Variants in CHCHD3 observed in about 807,000 individuals in gnomAD.
The protein encoded by CHCHD3 is coiled-coil-helix-coiled-coil-helix domain containing 3, also known as MICOS complex subunit MIC19.
A neutral mutation model predicts 38.2 loss-of-function variants in CHCHD3; 20 were observed. The ratio of observed to expected loss-of-function variants is 0.52; its 90% CI spans 0.37 to 0.76. CHCHD3 has a LOEUF of 0.76. Ranked by LOEUF, CHCHD3 falls within the 30% of genes least tolerant of loss-of-function variation. The pLI is 0.00. For synonymous variants in CHCHD3, 82 were observed against 100.0 expected, an observed-to-expected ratio of 0.82 and a Z score of 1.07; for missense variants, 245 against 279.2, an observed-to-expected ratio of 0.88 and a Z score of 0.87.
At chr7:132,800,389 C>T (rs905927730) in intron 6 of CHCHD3, among the ~76,000 whole-genome samples, 3 of 152,180 alleles carry the variant, frequency 2.0e-5, no homozygotes, top group Non-Finnish European at 2.9e-5. Flanking sequence ...CAGTTACACT[C>T]GGTTATCTGT....
At chr7:132,949,884 A>G (rs1051466166) in intron 4 of CHCHD3, among the ~76,000 whole-genome samples, 11 of 152,166 alleles carry the variant, frequency 7.2e-5, no homozygotes, top group African/African-American at 2.7e-4. Flanking sequence ...GCTAGTCTAG[A>G]CACAAAAAGT....
intron 6 of CHCHD3, among the ~76,000 whole-genome samples, chr7:132,805,605 G>T (rs1158391839): frequency 6.6e-6 from 1 of 152,152 alleles, no homozygotes; most frequent in East Asian, 1.9e-4. Context: ...CAAGCCACTG[G>T]CCTTTCTAAA....
At chr7:132,879,935 AATC>A (rs1327696824) in intron 5 of CHCHD3, among the ~76,000 whole-genome samples, 1 of 152,118 alleles carries the variant, frequency 6.6e-6, no homozygotes, top group Non-Finnish European at 1.5e-5. Flanking sequence ...ATCATGCTGT[AATC>A]GCTAGGTAAT....
chr7:133,002,094 G>C (rs1162697503), intron 3 of CHCHD3, among the ~76,000 whole-genome samples: 1 of 152,104 alleles, frequency 6.6e-6, no homozygotes, highest in African/African-American at 2.4e-5. Context: ...AACCCATGAA[G>C]CTGGAATTCA....
intron 6 of CHCHD3, among the ~76,000 whole-genome samples, chr7:132,832,068 GA>G (rs964508641): frequency 1.9e-4 from 29 of 149,548 alleles, no homozygotes; most frequent in African/African-American, 3.4e-4. Context: ...CCCTAAAAAA[GA>G]AAAAAAAATC....
intron 3 of CHCHD3, among the ~76,000 whole-genome samples, chr7:133,015,285 G>A (rs1812997581): frequency 1.3e-5 from 2 of 151,980 alleles, no homozygotes; most frequent in African/African-American, 2.4e-5. Flanking sequence ...GGAGGTTGCA[G>A]TGAGCCTAGA....
intron 2 of CHCHD3, among the ~76,000 whole-genome samples, chr7:133,048,847 A>G (rs1389759400): frequency 6.6e-6 from 1 of 152,252 alleles, no homozygotes; most frequent in Non-Finnish European, 1.5e-5. Context: ...AAGAGGAAGC[A>G]GAGTTGAAGA....
chr7:132,938,902 G>A (rs1044948140), intron 4 of CHCHD3, among the ~76,000 whole-genome samples: 14 of 152,166 alleles, frequency 9.2e-5, no homozygotes, highest in Non-Finnish European at 1.9e-4. Context: ...GGGAGCAGGG[G>A]ACACTTGGTA....
chr7:133,081,660 T>C (rs1815173917), intron 1 of CHCHD3, among the ~76,000 whole-genome samples, 197 bp downstream of exon 1: 1 of 152,220 alleles, frequency 6.6e-6, no homozygotes, highest in South Asian at 2.1e-4. Context: ...TGCCTAGCAC[T>C]TGGCACAACC....
At chr7:132,838,570 C>G in intron 5 of CHCHD3, 101 bp from the exon 6 acceptor site, 1 of 823,796 alleles carries the variant, frequency 1.2e-6, no homozygotes, top group Non-Finnish European at 2.0e-6. Context: ...GTTTCAGCCA[C>G]TCAAGCAGTA....
intron 3 of CHCHD3, among the ~76,000 whole-genome samples, chr7:132,997,017 A>G (rs1812438057): frequency 6.6e-6 from 1 of 152,236 alleles, no homozygotes; most frequent in Non-Finnish European, 1.5e-5. Context: ...TTCCAGCTAC[A>G]TTCTAAGCCC....
At chr7:132,910,014 T>C (rs1489857271) in intron 4 of CHCHD3, among the ~76,000 whole-genome samples, 1 of 152,236 alleles carries the variant, frequency 6.6e-6, no homozygotes, top group Non-Finnish European at 1.5e-5. Flanking sequence ...AACATGGATT[T>C]GAACTGAGCA....
At chr7:132,839,403 C>T (rs1412662117) in intron 5 of CHCHD3, among the ~76,000 whole-genome samples, 2 of 152,054 alleles carry the variant, frequency 1.3e-5, no homozygotes, top group Non-Finnish European at 2.9e-5. Flanking sequence ...TTTCCTGGGG[C>T]AGCAAAATTT....
At chr7:132,831,694 G>A (rs1002850586) in intron 6 of CHCHD3, among the ~76,000 whole-genome samples, 11 of 152,104 alleles carry the variant, frequency 7.2e-5, no homozygotes, top group Non-Finnish European at 1.6e-4. Flanking sequence ...TAAACTTCTA[G>A]AAGAATTTTA....
At chr7:133,065,765 T>C (rs1322153141) in intron 2 of CHCHD3, among the ~76,000 whole-genome samples, 1 of 152,264 alleles carries the variant, frequency 6.6e-6, no homozygotes, top group Non-Finnish European at 1.5e-5. Flanking sequence ...TCAAGCTTCA[T>C]GCTTTTATAA....
At chr7:132,938,385 C>T (rs1810681653) in intron 4 of CHCHD3, among the ~76,000 whole-genome samples, 1 of 152,078 alleles carries the variant, frequency 6.6e-6, no homozygotes, top group Non-Finnish European at 1.5e-5. Context: ...CTTTCCTCTG[C>T]ACCCAAATGA....
chr7:132,835,548 T>G (rs1807759146), intron 6 of CHCHD3, among the ~76,000 whole-genome samples: 1 of 152,198 alleles, frequency 6.6e-6, no homozygotes, highest in South Asian at 2.1e-4. Context: ...CCGTGGCCTC[T>G]CGCACTCCAA....
chr7:132,914,789 T>G (rs1810059339), intron 4 of CHCHD3, among the ~76,000 whole-genome samples: 1 of 151,990 alleles, frequency 6.6e-6, no homozygotes, highest in South Asian at 2.1e-4. Flanking sequence ...GATAATCAGA[T>G]TACCGAAACA....
chr7:132,931,216 A>G (rs1810506757), intron 4 of CHCHD3, among the ~76,000 whole-genome samples: 1 of 152,198 alleles, frequency 6.6e-6, no homozygotes, highest in African/African-American at 2.4e-5. Flanking sequence ...CCCCTCATCA[A>G]TAAATGTTAA....
Sources: gnomAD v4.1 joint callset for allele counts (sites outside exome capture counted in the v4.1 genomes callset) on GRCh38, gnomAD v4.1.1 for gene constraint, MANE v1.5 for transcripts, NCBI Gene and HGNC (gene_info 2026-07-23, HGNC 2026-07-21) for gene names.